Variants in FBXO34 observed in about 807,000 individuals in gnomAD.
FBXO34 encodes the protein F-box protein 34.
In FBXO34, 12 loss-of-function variants were observed where a neutral mutation model predicts 24.5. That is an observed-to-expected ratio of 0.49 (90% CI 0.31 to 0.79). The LOEUF is 0.79. Among genes scored for constraint, FBXO34 ranks in the 30% least tolerant of loss-of-function variants. FBXO34 has a pLI of 0.04. For missense variants in FBXO34, 823 were observed against 857.7 expected (o/e 0.96, Z 0.51); for synonymous variants, 320 against 311.9 (o/e 1.03, Z -0.27).
downstream of FBXO34, among the ~76,000 whole-genome samples, chr14:55,357,107 G>A (rs1292827885): frequency 3.3e-5 from 5 of 152,206 alleles, no homozygotes; most frequent in Non-Finnish European, 7.3e-5. Context: ...GGCCATAGCT[G>A]ATGTTTGCAC....
At position 55,331,701 on chromosome 14, in the gene FBXO34, A is replaced by G. The variant is rs1240342992; in HGVS notation, c.-10-18680A>G. On this transcript the variant is annotated intron_variant, in intron 1 of 1. Transcript: ENST00000313833. ...TATATATATGTGTATATATATATAT[A>G]TATGTATATATATATGTATATATAT... Among the ~76,000 whole-genome samples the G allele has an allele frequency of 1.3e-4, 9 of 66,734 alleles. 2 individuals carry two copies. Among genetic ancestry groups the G allele is most frequent in the African/African-American group, 1.1e-3 (7 of 6,384 alleles). 43.8% of individuals were successfully genotyped at this position (66,734 alleles called of 152,430 possible). A position where few individuals can be genotyped will look rare whatever the true frequency, so the allele number is the denominator to read the frequency against.
At chr14:55,356,423 A>C (rs779476321), downstream of FBXO34, among the ~76,000 whole-genome samples, 1 of 152,072 alleles carries the variant, frequency 6.6e-6, no homozygotes, top group African/African-American at 2.4e-5. Context: ...AGTGTCTGAC[A>C]CTTGGGGAAT....
chr14:55,442,576 G>T, the FBXO34 span, among the ~76,000 whole-genome samples: 1 of 152,142 alleles, frequency 6.6e-6, no homozygotes. Context: ...TTATAGTAGA[G>T]ACAGCTCATT....
chr14:55,285,836 G>A (rs1398608733), intron 1 of FBXO34, among the ~76,000 whole-genome samples: 1 of 152,082 alleles, frequency 6.6e-6, no homozygotes, highest in Non-Finnish European at 1.5e-5. Context: ...AATACATGTT[G>A]GTGTTACTGA....
chr14:55,365,011 G>A (rs914245273), downstream of FBXO34, among the ~76,000 whole-genome samples: 1 of 148,998 alleles, frequency 6.7e-6, no homozygotes, highest in Non-Finnish European at 1.5e-5. Context: ...ACGAGATCAG[G>A]AGATTGAGAC....
chr14:55,357,052 TG>T (rs781091734), downstream of FBXO34, among the ~76,000 whole-genome samples: 15 of 152,226 alleles, frequency 9.9e-5, no homozygotes, highest in Non-Finnish European at 1.9e-4. Context: ...GTGGGAGATG[TG>T]CAGTCTCAAC....
chr14:55,328,267 T>G (rs1178804745), intron 1 of FBXO34, among the ~76,000 whole-genome samples: 1 of 152,166 alleles, frequency 6.6e-6, no homozygotes, highest in African/African-American at 2.4e-5. Flanking sequence ...CGATGTTTTT[T>G]GTTTATAAAG....
At chr14:55,391,096 A>T in the FBXO34 span, 1 of 740,434 alleles carries the variant, frequency 1.4e-6, no homozygotes, top group East Asian at 2.9e-5. Flanking sequence ...AGAAAACATA[A>T]TGAAGAAAAA....
downstream of FBXO34, among the ~76,000 whole-genome samples, chr14:55,373,449 ACTATTTTTATTACTT>A: frequency 6.6e-6 from 1 of 152,198 alleles, no homozygotes; most frequent in South Asian, 2.1e-4. Context: ...ATATGACTGT[ACTATTTTTATTACTT>A]ATTTTTTTAT....
intron 1 of FBXO34, among the ~76,000 whole-genome samples, chr14:55,321,727 C>T (rs7151581): frequency 0.3 from 45,959 of 151,958 alleles, 7,245 homozygotes; most frequent in Non-Finnish European, 0.34. Context: ...GGTCCCAGTG[C>T]TTAGCTCAGT....
At chr14:55,348,901 CA>C (rs1884247564) in intron 1 of FBXO34, among the ~76,000 whole-genome samples, 1 of 152,050 alleles carries the variant, frequency 6.6e-6, no homozygotes, top group Non-Finnish European at 1.5e-5. Flanking sequence ...GGCAGGTACC[CA>C]GTAAATGTGG....
intron 1 of FBXO34, among the ~76,000 whole-genome samples, chr14:55,313,350 A>T (rs2140005470): frequency 6.6e-6 from 1 of 152,264 alleles, no homozygotes; most frequent in Non-Finnish European, 1.5e-5. Flanking sequence ...TTTTGGTCAG[A>T]GCCATTCAGC....
chr14:55,324,978 C>A (rs935814480), intron 1 of FBXO34, among the ~76,000 whole-genome samples: 2 of 152,170 alleles, frequency 1.3e-5, no homozygotes, highest in South Asian at 2.1e-4. Flanking sequence ...CGAGTGAGCT[C>A]TCTGGGTCTC....
At position 55,351,316 on chromosome 14, in the gene FBXO34, G is replaced by A. The variant is rs201652951; in HGVS notation, c.926G>A (p.Arg309His). The change falls in exon 2 of 2, where the codon CGT (arginine) becomes CAT (histidine). Residue 309 changes from arginine (R) to histidine (H), a missense_variant. Transcript: ENST00000313833. Reference sequence around the variant, plus strand: ...AGCCTCTCAAGGAATAACAGCTTCCGTCGAAATGTGGGCAGAGTATTGCTT... The same window carrying A: ...AGCCTCTCAAGGAATAACAGCTTCCATCGAAATGTGGGCAGAGTATTGCTT... Reference protein sequence around the residue: ...PGSLSRNNSFRRNVGRVLLAN... With the variant: ...PGSLSRNNSFHRNVGRVLLAN... 5.6e-6 allele frequency: 9 copies of A among 1,614,204 alleles called. No homozygotes were observed. Among genetic ancestry groups the A allele is most frequent in the African/African-American group, 2.7e-5 (2 of 75,038 alleles).
At chr14:55,348,768 C>A (rs934790859) in intron 1 of FBXO34, among the ~76,000 whole-genome samples, 2 of 152,174 alleles carry the variant, frequency 1.3e-5, no homozygotes, top group African/African-American at 4.8e-5. Flanking sequence ...ATTCTTTTAT[C>A]TGAGACTAGA....
At chr14:55,391,092 C>A in the FBXO34 span, 2 of 765,446 alleles carry the variant, frequency 2.6e-6, no homozygotes, top group Admixed American at 3.2e-5. Context: ...TGTCAGAAAA[C>A]ATAATGAAGA....
chr14:55,415,139 C>A, the FBXO34 span, among the ~76,000 whole-genome samples: 1 of 152,202 alleles, frequency 6.6e-6, no homozygotes, highest in Non-Finnish European at 1.5e-5. Context: ...CCAAATTATG[C>A]AGGCACGTTG....
chr14:55,288,369 T>C (rs1881832373), intron 1 of FBXO34, among the ~76,000 whole-genome samples: 1 of 152,106 alleles, frequency 6.6e-6, no homozygotes, highest in Non-Finnish European at 1.5e-5. Flanking sequence ...TTACATACAC[T>C]AATCATAGCT....
At chr14:55,313,169 A>G (rs992153107) in intron 1 of FBXO34, among the ~76,000 whole-genome samples, 1 of 152,170 alleles carries the variant, frequency 6.6e-6, no homozygotes, top group East Asian at 1.9e-4. Flanking sequence ...GATACTCTAA[A>G]TCATCTGTCT....
Sources: allele counts gnomAD v4.1 joint callset (sites outside exome capture counted in the v4.1 genomes callset), GRCh38; gene constraint gnomAD v4.1.1; transcripts MANE v1.5; gene names NCBI Gene and HGNC (gene_info 2026-07-23, HGNC 2026-07-21).